Variants in SLC13A1 observed in about 807,000 individuals in gnomAD.
SLC13A1 encodes solute carrier family 13 member 1.
A neutral mutation model predicts 70.0 loss-of-function variants in SLC13A1; 65 were observed. The observed-to-expected ratio is 0.93, with a 90% CI of 0.76 to 1.14. The LOEUF is 1.14. Ranked by LOEUF, SLC13A1 falls within the 50% of genes most tolerant of loss-of-function variation. The pLI, the probability that SLC13A1 is intolerant of heterozygous loss-of-function variation, is 0.00. For synonymous variants in SLC13A1, 275 were observed against 250.5 expected, an observed-to-expected ratio of 1.10 and a Z score of -0.92; for missense variants, 726 against 717.8, an observed-to-expected ratio of 1.01 and a Z score of -0.13.
chr7:123,183,465 C>T (rs888428412), intron 1 of SLC13A1, among the ~76,000 whole-genome samples: 1 of 152,112 alleles, frequency 6.6e-6, no homozygotes, highest in Non-Finnish European at 1.5e-5. Flanking sequence ...CATTCTCTTA[C>T]CTCCTCAACT....
chr7:123,133,814 G>A (rs1263268940), intron 8 of SLC13A1, among the ~76,000 whole-genome samples: 1 of 151,922 alleles, frequency 6.6e-6, no homozygotes, highest in Non-Finnish European at 1.5e-5. Flanking sequence ...ACAGGTGTGA[G>A]CCACTGTGCC....
At chr7:123,179,434 C>G (rs1252773213) in intron 2 of SLC13A1, among the ~76,000 whole-genome samples, 2 of 152,004 alleles carry the variant, frequency 1.3e-5, no homozygotes, top group Non-Finnish European at 2.9e-5. Context: ...GAGAAGTGAC[C>G]AAGAAGAATT....
chr7:123,126,174 T>A (rs1478728905), intron 10 of SLC13A1, among the ~76,000 whole-genome samples: 1 of 152,188 alleles, frequency 6.6e-6, no homozygotes, highest in African/African-American at 2.4e-5. Flanking sequence ...AATTGATCTG[T>A]TTTCTGAGAT....
At chr7:123,193,651 G>C (rs986290578) in intron 1 of SLC13A1, among the ~76,000 whole-genome samples, 2 of 152,142 alleles carry the variant, frequency 1.3e-5, no homozygotes, top group African/African-American at 4.8e-5. Flanking sequence ...AGACAGATTT[G>C]TGTTTAAGTC....
intron 6 of SLC13A1, among the ~76,000 whole-genome samples, chr7:123,157,524 A>T (rs1363337815): frequency 2.0e-5 from 3 of 152,088 alleles, no homozygotes; most frequent in Non-Finnish European, 2.9e-5. Flanking sequence ...ATTGCCCTAA[A>T]TGTTAACTAT....
At chr7:123,148,387 C>T (rs1585331236) in intron 6 of SLC13A1, 1 of 382,708 alleles carries the variant, frequency 2.6e-6, no homozygotes. Context: ...CCTCAGTCAC[C>T]CCACCCCCAT....
intron 6 of SLC13A1, among the ~76,000 whole-genome samples, chr7:123,166,135 AT>A (rs1563341800): frequency 3.3e-5 from 5 of 152,222 alleles, no homozygotes; most frequent in Admixed American, 1.3e-4. Context: ...TATGTCAGAC[AT>A]ATTTTTATAA....
intron 7 of SLC13A1, among the ~76,000 whole-genome samples, chr7:123,144,637 C>T (rs946962059): frequency 6.6e-5 from 10 of 152,028 alleles, no homozygotes; most frequent in Admixed American, 5.9e-4. Flanking sequence ...ACAAAACATC[C>T]GCAGGCTGGA....
intron 7 of SLC13A1, among the ~76,000 whole-genome samples, 162 bp downstream of exon 7, chr7:123,146,997 C>G (rs572828342): frequency 6.6e-6 from 1 of 152,094 alleles, no homozygotes; most frequent in East Asian, 1.9e-4. Flanking sequence ...ATTTAATTCT[C>G]AGTATAAAGG....
At position 123,199,871 on chromosome 7, in the gene SLC13A1, G is replaced by A. The variant is rs28364174; in HGVS notation, c.76C>T (p.Leu26=). 182 of 1,612,702 alleles carry A rather than the reference G, an allele frequency of 1.1e-4. 1 individual carries two copies. The African/African-American group carries it at 2.1e-3, about 19-fold the overall frequency. Residue 26 remains leucine (L), a synonymous_variant, in exon 1 of 15, where the codon CTG becomes TTG. Transcript: ENST00000194130. ...ACCTTGGTGTGGAGGACGATGGGCA[G>A]AGGTAGTAAAACCAACACAGTGAAA... ...VVFTVLVLLP[L]PIVLHTKEAE...
chr7:123,146,455 C>T (rs1271245599), intron 7 of SLC13A1, among the ~76,000 whole-genome samples: 2 of 152,178 alleles, frequency 1.3e-5, no homozygotes, highest in African/African-American at 4.8e-5. Context: ...GCAAAAGTTG[C>T]AGTGAGCTGA....
chr7:123,158,620 A>C (rs189692422), intron 6 of SLC13A1, among the ~76,000 whole-genome samples: 4 of 152,040 alleles, frequency 2.6e-5, no homozygotes, highest in Admixed American at 2.0e-4. Flanking sequence ...ATATGCACTT[A>C]GGCATAGCAA....
At chr7:123,173,596 C>A (rs961117929) in intron 2 of SLC13A1, among the ~76,000 whole-genome samples, 1 of 152,028 alleles carries the variant, frequency 6.6e-6, no homozygotes, top group Non-Finnish European at 1.5e-5. Context: ...TATCATAGAG[C>A]CGTGTTTGGT....
chr7:123,182,921 C>T (rs114396581), intron 1 of SLC13A1, among the ~76,000 whole-genome samples: 2 of 152,098 alleles, frequency 1.3e-5, no homozygotes, highest in Non-Finnish European at 2.9e-5. Context: ...TGCATTCAAA[C>T]CCACCTTCAC....
At chr7:123,195,432 C>T (rs1428453658) in intron 1 of SLC13A1, among the ~76,000 whole-genome samples, 1 of 150,110 alleles carries the variant, frequency 6.7e-6, no homozygotes, top group Non-Finnish European at 1.5e-5. Flanking sequence ...AATTTCTCTC[C>T]TCCCTCTTCT....
Position 123,169,238 on chromosome 7 carries a change from C to T in SLC13A1, c.463G>A (p.Val155Met). 1.9e-6 allele frequency: 3 copies of T among 1,614,072 alleles called. No homozygotes were observed. Among genetic ancestry groups the T allele is most frequent in the Non-Finnish European group, 2.5e-6 (3 of 1,179,996 alleles). ...AMVMPIAEAV[V>M]QQIINAEAEV... is the part of the protein sequence containing the mutation. ...GCTTCTGCATTGATGATCTGCTGCACTACAGCCTCCGCAATGGGCATCACC... is the reference window on the plus strand; with the variant it reads ...GCTTCTGCATTGATGATCTGCTGCATTACAGCCTCCGCAATGGGCATCACC... The change falls in exon 4 of 15, where the codon GTG (valine) becomes ATG (methionine). Residue 155 changes from valine (V) to methionine (M), a missense_variant. By Grantham distance (21) the Val-to-Met change is conservative. Transcript: ENST00000194130.
At chr7:123,128,785 A>G in intron 10 of SLC13A1, 60 bp downstream of exon 10, 1 of 1,050,306 alleles carries the variant, frequency 9.5e-7, no homozygotes. Context: ...CAGGAACCAC[A>G]CAGGAGAGAA....
intron 6 of SLC13A1, among the ~76,000 whole-genome samples, chr7:123,168,111 T>C: frequency 6.6e-6 from 1 of 152,188 alleles, no homozygotes; most frequent in East Asian, 1.9e-4. Flanking sequence ...TAAACTACCT[T>C]GGCTAACTGC....
intron 8 of SLC13A1, among the ~76,000 whole-genome samples, chr7:123,130,660 G>C (rs1793726162): frequency 6.6e-6 from 1 of 152,068 alleles, no homozygotes; most frequent in Non-Finnish European, 1.5e-5. Context: ...AACCATCATG[G>C]CACACGTTTG....
Sources: gnomAD v4.1 joint callset for allele counts (sites outside exome capture counted in the v4.1 genomes callset) on GRCh38, gnomAD v4.1.1 for gene constraint, MANE v1.5 for transcripts, NCBI Gene and HGNC (gene_info 2026-07-23, HGNC 2026-07-21) for gene names.